The following CMTM4 variants were observed in gnomAD, a reference collection of about 807,000 sequenced individuals.
CMTM4 encodes CKLF like MARVEL transmembrane domain containing 4.
A neutral mutation model predicts 19.0 loss-of-function variants in CMTM4; 8 were observed. The ratio of observed to expected loss-of-function variants is 0.42; its 90% CI spans 0.25 to 0.76. CMTM4 has a LOEUF of 0.76. Ranked by LOEUF, CMTM4 falls within the 30% of genes least tolerant of loss-of-function variation. The pLI, the probability that CMTM4 is intolerant of heterozygous loss-of-function variation, is 0.27. For missense variants in CMTM4, 228 were observed against 290.2 expected (o/e 0.79, Z 1.56); for synonymous variants, 106 against 121.1 (o/e 0.88, Z 0.82).
At chr16:66,681,844 T>C (rs1364310016) in intron 1 of CMTM4, among the ~76,000 whole-genome samples, 1 of 152,182 alleles carries the variant, frequency 6.6e-6, no homozygotes, top group Non-Finnish European at 1.5e-5. Flanking sequence ...GAACCACACT[T>C]GACTCACCTC....
chr16:66,696,620 G>A lies in CMTM4; in HGVS notation c.-95C>T, dbSNP rs1248597368. On this transcript the variant is annotated 5_prime_UTR_variant, in exon 1 of 4. Coordinates refer to ENST00000394106, the MANE Select transcript of CMTM4 (RefSeq NM_181521.3). The surrounding 1 kb of genome is among the most constrained non-coding windows in gnomAD (Gnocchi z 4.3). ...CCGCCGCATCGCCGCCGCCGCCGCC[G>A]CCGCCGCCGCCCGACTGACTGCCCG... 1.7e-5 allele frequency: 12 copies of A among 724,538 alleles called. No homozygotes were observed. The highest frequency in any genetic ancestry group is 2.0e-5 in the Non-Finnish European group (12 of 594,224). The allele number at this position is 724,538 out of a possible 1,614,324, so 44.9% of individuals were successfully genotyped here. A position where few individuals can be genotyped will look rare whatever the true frequency, so the allele number is the denominator to read the frequency against.
At chr16:66,605,065 T>G in the CMTM4 span, 1 of 969,284 alleles carries the variant, frequency 1.0e-6, no homozygotes. The surrounding 1 kb of genome is among the most constrained non-coding windows in gnomAD (Gnocchi z 4.6). Context: ...CGATACCCCC[T>G]CTCCGCGCCG....
the CMTM4 span, chr16:66,605,515 T>TG: frequency 6.6e-6 from 1 of 152,140 alleles, no homozygotes; most frequent in Non-Finnish European, 1.5e-5. The surrounding 1 kb of genome is among the most constrained non-coding windows in gnomAD (Gnocchi z 4.6). Context: ...CCCCGGCCGG[T>TG]GGGGCTTCTT....
Position 66,655,518 on chromosome 16 carries a change from CGTGTGTGT to C in CMTM4, c.187-18945_187-18938del, listed in dbSNP as rs72390418. On this transcript the variant is annotated intron_variant, in intron 1 of 3. Transcript: ENST00000394106. ...AAATGCCTGAGGTCTAGGACAGAAA[CGTGTGTGT>C]GTGTGTGTGTGTGTGTGTGTTTATT... Among the ~76,000 whole-genome samples, 495 of 148,022 alleles carry C rather than the reference CGTGTGTGT, an allele frequency of 3.3e-3. 5 individuals carry two copies. The East Asian group carries it at 0.059, about 18-fold the overall frequency.
chr16:66,692,685 C>A (rs774178451), intron 1 of CMTM4, among the ~76,000 whole-genome samples: 1 of 152,126 alleles, frequency 6.6e-6, no homozygotes. Context: ...ATGGGCAGAT[C>A]ACTTGAGGTC....
chr16:66,666,107 G>GGAAAGAAAGA (rs1462911826), intron 1 of CMTM4, among the ~76,000 whole-genome samples: 1 of 147,786 alleles, frequency 6.8e-6, no homozygotes, highest in Non-Finnish European at 1.5e-5. Flanking sequence ...GAAAGGAAAA[G>GGAAAGAAAGA]GAAAGAAAGA....
chr16:66,609,590 G>C, the CMTM4 span: 2 of 1,533,898 alleles, frequency 1.3e-6, no homozygotes, highest in Non-Finnish European at 8.8e-7. The surrounding 1 kb of genome is among the most constrained non-coding windows in gnomAD (Gnocchi z 4.4). Flanking sequence ...CTCATTTAGG[G>C]TGGGACCTGG....
At chr16:66,609,966 G>A (rs776875388), downstream of CMTM4, 2 of 1,614,126 alleles carry the variant, frequency 1.2e-6, no homozygotes, top group Non-Finnish European at 1.7e-6. This position sits in a 1 kb window ranked among gnomAD's most constrained non-coding sequence, Gnocchi z 4.4. Flanking sequence ...TCAAACAAGG[G>A]GACTCTGCAG....
chr16:66,641,822 C>T (rs1015608877), intron 1 of CMTM4, among the ~76,000 whole-genome samples: 7 of 152,152 alleles, frequency 4.6e-5, no homozygotes, highest in African/African-American at 4.8e-5. Flanking sequence ...CATGTTATAA[C>T]CTACACCTAT....
chr16:66,648,322 C>G (rs1025938234), intron 1 of CMTM4, among the ~76,000 whole-genome samples: 1 of 152,200 alleles, frequency 6.6e-6, no homozygotes, highest in Admixed American at 6.5e-5. Flanking sequence ...CCAACTGCTA[C>G]GAGGATGGTG....
chr16:66,690,548 C>T (rs2017116031), intron 1 of CMTM4, among the ~76,000 whole-genome samples: 1 of 152,166 alleles, frequency 6.6e-6, no homozygotes, highest in Non-Finnish European at 1.5e-5. Flanking sequence ...CAGTAACCAG[C>T]CAGGGATTGT....
chr16:66,626,275 A>T (rs529266469), intron 2 of CMTM4, among the ~76,000 whole-genome samples: 1 of 152,300 alleles, frequency 6.6e-6, no homozygotes, highest in South Asian at 2.1e-4. Flanking sequence ...TCTCTACTAA[A>T]AATACAAAAA....
rs937280291 is a variant in CMTM4 at position 66,619,293 on chromosome 16, T to G, written c.*2765A>C. 8 of 985,360 alleles carry G rather than the reference T, an allele frequency of 8.1e-6. No homozygotes were observed. Among genetic ancestry groups the G allele is most frequent in the Non-Finnish European group, 9.6e-6 (8 of 829,950 alleles). 61.0% of individuals were successfully genotyped at this position (985,360 alleles called of 1,614,324 possible). Reference sequence around the variant, plus strand: ...TTCTCTGAGGACATCAGTGTTTGCATCCATCTAAAACCACCAGAGGTTCCA... The same window carrying G: ...TTCTCTGAGGACATCAGTGTTTGCAGCCATCTAAAACCACCAGAGGTTCCA... On this transcript the variant is annotated 3_prime_UTR_variant, in exon 4 of 4. Coordinates refer to ENST00000394106, the MANE Select transcript of CMTM4 (RefSeq NM_181521.3).
chr16:66,657,334 G>A (rs1361958434), intron 1 of CMTM4, among the ~76,000 whole-genome samples: 1 of 152,070 alleles, frequency 6.6e-6, no homozygotes, highest in Non-Finnish European at 1.5e-5. Context: ...CAGGTGATCT[G>A]CCTGCCTTGG....
intron 1 of CMTM4, among the ~76,000 whole-genome samples, chr16:66,670,716 C>T (rs575028367): frequency 5.3e-5 from 8 of 152,194 alleles, no homozygotes; most frequent in African/African-American, 1.7e-4. Context: ...AGGAAAATCG[C>T]CTGAACCCAG....
In CMTM4 at chr16:66,620,487, G is replaced by A; in HGVS notation, c.*1571C>T. ...CAACTCCGACCCCCAGCCCAGCAGTGTTGCCTGATCAACACTGTGAGCTCA... is the reference window on the plus strand; with the variant it reads ...CAACTCCGACCCCCAGCCCAGCAGTATTGCCTGATCAACACTGTGAGCTCA... On this transcript the variant is annotated 3_prime_UTR_variant, in exon 4 of 4. Transcript: ENST00000394106. The A allele has an allele frequency of 2.0e-6, 2 of 985,506 alleles. No homozygotes were observed. Among genetic ancestry groups the A allele is most frequent in the Non-Finnish European group, 2.4e-6 (2 of 829,992 alleles). 61.0% of individuals were successfully genotyped at this position (985,506 alleles called of 1,614,324 possible).
chr16:66,635,022 A>C (rs2015963416), intron 2 of CMTM4, among the ~76,000 whole-genome samples: 1 of 152,210 alleles, frequency 6.6e-6, no homozygotes, highest in Non-Finnish European at 1.5e-5. Context: ...AGGCCTCAGG[A>C]ACACTAGGCA....
chr16:66,613,235 T>TAACCAA, downstream of CMTM4: 2 of 675,710 alleles, frequency 3.0e-6, no homozygotes. Context: ...CACCCATAAC[T>TAACCAA]AACACCTCCC....
intron 1 of CMTM4, among the ~76,000 whole-genome samples, chr16:66,684,656 TC>T (rs957811103): frequency 1.1e-4 from 16 of 152,146 alleles, no homozygotes; most frequent in Non-Finnish European, 2.1e-4. Flanking sequence ...ACAAAAATCC[TC>T]CCCCATCAAG....
Sources: gnomAD v4.1 joint callset for allele counts (sites outside exome capture counted in the v4.1 genomes callset) on GRCh38, gnomAD v4.1.1 for gene constraint, Gnocchi (gnomAD v3.1) non-coding constraint, MANE v1.5 for transcripts, NCBI Gene and HGNC (gene_info 2026-07-23, HGNC 2026-07-21) for gene names.